ABCA3: variants seen among roughly 807,000 people sequenced by gnomAD.
ABCA3 encodes phospholipid-transporting ATPase ABCA3.
In ABCA3, 88 loss-of-function variants were observed where a neutral mutation model predicts 172.8. The observed-to-expected ratio is 0.51, with a 90% confidence interval of 0.43 to 0.61. The LOEUF is 0.61. ABCA3 is among the 20% of genes least tolerant of loss of function. ABCA3 has a pLI of 0.00. For missense variants in ABCA3, 2,164 were observed against 2,301.0 expected (o/e 0.94, Z 1.22); for synonymous variants, 1,066 against 983.8 (o/e 1.08, Z -1.56).
intron 20 of ABCA3, 85 bp downstream of exon 20, chr16:2,289,349 G>T (rs1434341798): frequency 6.7e-7 from 1 of 1,500,080 alleles, no homozygotes; most frequent in Admixed American, 2.0e-5. Flanking sequence ...CGCCCTCGCA[G>T]ACTCTCCTCT....
chr16:2,306,650 C>G (rs1407071738), intron 11 of ABCA3, among the ~76,000 whole-genome samples: 1 of 152,220 alleles, frequency 6.6e-6, no homozygotes, highest in Non-Finnish European at 1.5e-5. Context: ...TTGGTGCCCA[C>G]AGCAGGCTTT....
intron 28 of ABCA3, among the ~76,000 whole-genome samples, chr16:2,280,300 G>A (rs752233226): frequency 5.8e-4 from 89 of 152,334 alleles, no homozygotes; most frequent in Non-Finnish European, 9.3e-4. Context: ...CAGATCTAAC[G>A]CCTATGTGCT....
intron 11 of ABCA3, among the ~76,000 whole-genome samples, chr16:2,306,198 T>C (rs1219219285): frequency 6.6e-6 from 1 of 152,038 alleles, no homozygotes; most frequent in Non-Finnish European, 1.5e-5. Flanking sequence ...TGGTGGCACG[T>C]GCCTGTAGTC....
Position 2,319,767 on chromosome 16 carries a change from G to A in ABCA3, c.687C>T (p.Ala229=), listed in dbSNP as rs369426863. 3.4e-5 allele frequency: 55 copies of A among 1,613,860 alleles called. No individual in the cohort carries two copies. Among genetic ancestry groups the A allele is most frequent in the African/African-American group, 1.1e-4 (8 of 74,888 alleles). ...DRAIMEYHAD[A]ATRQLFQRLT... is the part of the protein sequence containing the mutation. ...GTCTCTGGAACAGCTGGCGTGTGGC[G>A]GCATCGGCATGGTACTCCATGATGG... The change falls in exon 8 of 33, where the codon GCC becomes GCT. Residue 229 remains alanine, a synonymous_variant. Coordinates refer to ENST00000301732, the MANE Select transcript of ABCA3 (RefSeq NM_001089.3).
At position 2,299,634 on chromosome 16, in the gene ABCA3, C is replaced by T; in HGVS notation, c.1612-102G>A. 3 of 1,559,562 alleles carry T rather than the reference C, an allele frequency of 1.9e-6. 1 individual carries two copies. The highest frequency in any genetic ancestry group is 3.3e-4 in the Middle Eastern group (2 of 5,994). ...CCCGACCGTCTCAGAAGGAACCAAGCCTAGCGTCACCATCAGTGTGCAGAG... is the reference window on the plus strand; with the variant it reads ...CCCGACCGTCTCAGAAGGAACCAAGTCTAGCGTCACCATCAGTGTGCAGAG... On this transcript the variant is annotated intron_variant, in intron 13 of 32. Coordinates refer to ENST00000301732, the MANE Select transcript of ABCA3 (RefSeq NM_001089.3).
chr16:2,290,072 C>A (rs917468475), intron 19 of ABCA3, among the ~76,000 whole-genome samples: 1 of 152,124 alleles, frequency 6.6e-6, no homozygotes, highest in African/African-American at 2.4e-5. Flanking sequence ...CACCCCCCGG[C>A]TGGCTTAGCA....
At chr16:2,280,878 G>A (rs2093653863) in intron 28 of ABCA3, 149 bp downstream of exon 28, 2 of 1,035,872 alleles carry the variant, frequency 1.9e-6, no homozygotes, top group Non-Finnish European at 1.4e-6. Flanking sequence ...TCATTACCTT[G>A]TCTCGCTGTC....
intron 11 of ABCA3, 126 bp from the exon 12 acceptor site, chr16:2,304,276 T>A: frequency 1.0e-6 from 1 of 961,486 alleles, no homozygotes; most frequent in Non-Finnish European, 1.7e-6. Context: ...GGCATGCCTT[T>A]TCCCTTCCCG....
At position 2,276,422 on chromosome 16, in the gene ABCA3, A is replaced by G. The variant is rs933597857; in HGVS notation, c.*252T>C. The G allele has an allele frequency of 7.4e-6, 5 of 674,766 alleles. No homozygotes were observed. The highest frequency in any genetic ancestry group is 2.5e-4 in the Middle Eastern group (1 of 4,052). 41.8% of individuals were successfully genotyped at this position (674,766 alleles called of 1,614,324 possible). A position where few individuals can be genotyped will look rare whatever the true frequency, so the allele number is the denominator to read the frequency against. On this transcript the variant is annotated 3_prime_UTR_variant, in exon 33 of 33. Transcript: ENST00000301732. ...CAGAGACCCCGGAGCTTGCCCGCAG[A>G]CTGCCCGGCCTGCCCCAGCTCTGGG...
At position 2,281,133 on chromosome 16, in the gene ABCA3, T is replaced by A. The variant is rs147036502; in HGVS notation, c.4253A>T (p.Asn1418Ile). 4.3e-6 allele frequency: 7 copies of A among 1,613,856 alleles called. No individual in the cohort carries two copies. The highest frequency in any genetic ancestry group is 5.9e-6 in the Non-Finnish European group (7 of 1,180,028). The change falls in exon 28 of 33, where the codon AAT becomes ATT. Residue 1418 changes from asparagine to isoleucine, a missense_variant. Asn to Ile is a moderately radical substitution (Grantham distance 149). This residue lies in a region of ABCA3 where 795 missense variants were observed against 881.9 expected (regional missense o/e 0.90). Coordinates refer to ENST00000301732, the MANE Select transcript of ABCA3 (RefSeq NM_001089.3). This position sits in a 1 kb window ranked among gnomAD's most constrained non-coding sequence, Gnocchi z 4.7. ...KGECFGLLGFNGAGKTTTFKM... is the reference protein window; with the variant it reads ...KGECFGLLGFIGAGKTTTFKM... The stretch of plus-strand genomic sequence containing the variant: ...GAAAGTCGTGGTCTTCCCGGCTCCA[T>A]TGAAGCCCAGCAGGCCGAAGCACTC...
Position 2,297,177 on chromosome 16 carries a change from C to A in ABCA3, c.2263+152G>T. The A allele has an allele frequency of 1.2e-6, 1 of 807,804 alleles. No individual in the cohort carries two copies. Among genetic ancestry groups the A allele is most frequent in the Non-Finnish European group, 2.0e-6 (1 of 488,352 alleles). 50.0% of individuals were successfully genotyped at this position (807,804 alleles called of 1,614,324 possible). ...CTCTTCCCTCTCACAAGCCCCCCTG[C>A]CTGGTTGGGCTCTCCACCCAGAGGC... On this transcript the variant is annotated intron_variant, in intron 17 of 32. Transcript: ENST00000301732. The surrounding 1 kb of genome is among the most constrained non-coding windows in gnomAD (Gnocchi z 5.6).
rs144278086 is a variant in ABCA3, at chr16:2,324,887, T to C, written c.320-356A>G. 5.9e-5 allele frequency among the ~76,000 whole-genome samples: 9 copies of C among 152,256 alleles called. No individual in the cohort carries two copies. In the East Asian group the frequency reaches 1.7e-3, roughly 30 times the overall value. On this transcript the variant is annotated intron_variant, in intron 5 of 32. Transcript: ENST00000301732. ...TCTCTTTCTCAAAACCAGAATGGTG[T>C]GTTTTTACAAATGGAGTGGATGCTA...
At chr16:2,318,638 A>G (rs1334876783) in intron 8 of ABCA3, among the ~76,000 whole-genome samples, 3 of 151,634 alleles carry the variant, frequency 2.0e-5, no homozygotes, top group Non-Finnish European at 4.4e-5. Flanking sequence ...TCAGCCTCCC[A>G]AGCAGCTGGG....
chr16:2,318,922 A>T (rs1318687210), intron 8 of ABCA3, among the ~76,000 whole-genome samples: 1 of 150,876 alleles, frequency 6.6e-6, no homozygotes, highest in Non-Finnish European at 1.5e-5. Flanking sequence ...GTTTTGCCCT[A>T]TTTGTTTGAT....
In ABCA3 at chr16:2,328,618, G is replaced by C. The variant is rs539501647; in HGVS notation, c.-192C>G. 1 of 508,198 alleles carries C rather than the reference G, an allele frequency of 2.0e-6. No homozygotes were observed. The highest frequency in any genetic ancestry group is 3.9e-6 in the Non-Finnish European group (1 of 255,034). The allele number at this position is 508,198 out of a possible 1,614,324, so 31.5% of individuals were successfully genotyped here. On this transcript the variant is annotated 5_prime_UTR_variant, in exon 3 of 33. Transcript: ENST00000301732. ...GGCGATGGAGGAGGGGCAGTCTAGA[G>C]AGCCCCTGGTGCTGGTCCACTCGCT...
chr16:2,295,885 G>A (rs2093679029), intron 17 of ABCA3, 145 bp from the exon 18 acceptor site: 4 of 1,089,392 alleles, frequency 3.7e-6, no homozygotes, highest in Admixed American at 2.0e-5. Flanking sequence ...CAGAATGAAT[G>A]TGTCTTGGAG....
At chr16:2,296,385 C>T (rs1200050169) in intron 17 of ABCA3, among the ~76,000 whole-genome samples, 1 of 152,192 alleles carries the variant, frequency 6.6e-6, no homozygotes. Flanking sequence ...CAGGCATGCA[C>T]CACCATACCT....
intron 1 of ABCA3, among the ~76,000 whole-genome samples, chr16:2,330,422 C>T (rs1232245228): frequency 6.7e-6 from 1 of 149,786 alleles, no homozygotes; most frequent in Non-Finnish European, 1.5e-5. Context: ...CAGGTTCAAG[C>T]GATTCTCCTA....
At chr16:2,276,995 G>C (rs1267907817) in intron 32 of ABCA3, among the ~76,000 whole-genome samples, 190 bp from the exon 33 acceptor site, 2 of 152,208 alleles carry the variant, frequency 1.3e-5, no homozygotes, top group Admixed American at 6.5e-5. Context: ...CGCTGGCTAA[G>C]CAGGAGCCAG....
Sources: gnomAD v4.1 joint callset for allele counts (sites outside exome capture counted in the v4.1 genomes callset) on GRCh38, gnomAD v4.1.1 for gene constraint, gnomAD v4.1.1 regional missense constraint, Gnocchi (gnomAD v3.1) non-coding constraint, MANE v1.5 for transcripts, NCBI Gene and HGNC (gene_info 2026-07-23, HGNC 2026-07-21) for gene names.